The following PARP8 variants were observed in gnomAD, a reference collection of about 807,000 sequenced individuals.
PARP8 encodes protein mono-ADP-ribosyltransferase PARP8.
A neutral mutation model predicts 124.1 loss-of-function variants in PARP8; 51 were observed. The ratio of observed to expected loss-of-function variants is 0.41; its 90% CI spans 0.33 to 0.52. The LOEUF (loss-of-function observed/expected upper bound fraction) is 0.52. PARP8 is among the 20% of genes least tolerant of loss of function. The pLI, the probability that PARP8 is intolerant of heterozygous loss-of-function variation, is 0.21. For synonymous variants in PARP8, 391 were observed against 361.5 expected, an observed-to-expected ratio of 1.08 and a Z score of -0.93; for missense variants, 860 against 1,018.9, an observed-to-expected ratio of 0.84 and a Z score of 2.12.
chr5:50,757,263 A>G, intron 3 of PARP8: 1 of 415,662 alleles, frequency 2.4e-6, no homozygotes, highest in South Asian at 1.7e-5. Context: ...TCAAGACTGA[A>G]TCATAAAAAA....
At chr5:50,787,821 A>G (rs1459421748) in intron 9 of PARP8, among the ~76,000 whole-genome samples, 1 of 150,872 alleles carries the variant, frequency 6.6e-6, no homozygotes, top group Non-Finnish European at 1.5e-5. Flanking sequence ...ATTTAAACAT[A>G]TATTTTTATA....
rs748310180 is a variant in PARP8, at chr5:50,795,120, A to G, written c.1131A>G (p.Leu377=). The G allele has an allele frequency of 1.9e-6, 3 of 1,614,216 alleles. No individual in the cohort carries two copies. Among genetic ancestry groups the G allele is most frequent in the Admixed American group, 1.7e-5 (1 of 60,034 alleles). The change falls in exon 12 of 26, where the codon CTA becomes CTG. Residue 377 remains leucine (L), a synonymous_variant. Transcript: ENST00000281631. ...CAGCTGTTAAGTCAGAGGAATGCCT[A>G]ACTCTAAAGTCGCATAGACTATTGA... The part of the protein sequence containing the change: ...CPAAVKSEEC[L]TLKSHRLLTR...
intron 15 of PARP8, 135 bp from the exon 16 acceptor site, chr5:50,821,078 T>C: frequency 1.0e-6 from 1 of 972,828 alleles, no homozygotes; most frequent in African/African-American, 1.6e-5. Flanking sequence ...TCTCAAGTCT[T>C]GCATTACACA....
rs1239548341 is a variant in PARP8, at chr5:50,748,048, G to A, written c.147-2103G>A. Among the ~76,000 whole-genome samples, 3 of 151,966 alleles carry A rather than the reference G, an allele frequency of 2.0e-5. 1 individual carries two copies. The highest frequency in any genetic ancestry group is 4.8e-5 in the African/African-American group (2 of 41,398). ...TAACATTCAATGAAGTTATTGATAT[G>A]ATTAGATTCAGGCTCTATTTACTTT... is the stretch of plus-strand genomic sequence containing the variant. On this transcript the variant is annotated intron_variant, in intron 2 of 25. Transcript: ENST00000281631.
At chr5:50,836,218 G>C (rs1747567358) in intron 25 of PARP8, among the ~76,000 whole-genome samples, 1 of 152,148 alleles carries the variant, frequency 6.6e-6, no homozygotes, top group African/African-American at 2.4e-5. Flanking sequence ...GTGAGTATAG[G>C]AGAAGGAGCC....
Position 50,842,742 on chromosome 5 carries a change from A to G in PARP8, c.*674A>G, listed in dbSNP as rs1748303089. On this transcript the variant is annotated 3_prime_UTR_variant, in exon 26 of 26. Coordinates refer to ENST00000281631, the MANE Select transcript of PARP8 (RefSeq NM_024615.4). ...ACAATTCTATCCTCGTTTAATGGAA[A>G]GAAGATAATATTTAGTAAGCAATAA... 6.6e-6 allele frequency: 1 copy of G among 151,774 alleles called. No homozygotes were observed. Among genetic ancestry groups the G allele is most frequent in the East Asian group, 1.9e-4 (1 of 5,182 alleles). The allele number at this position is 151,774 out of a possible 1,614,324, so 9.4% of individuals were successfully genotyped here. A position where few individuals can be genotyped will look rare whatever the true frequency, so the allele number is the denominator to read the frequency against.
intron 7 of PARP8, among the ~76,000 whole-genome samples, chr5:50,772,003 C>G (rs1338777660): frequency 2.0e-5 from 3 of 152,182 alleles, no homozygotes; most frequent in Admixed American, 1.3e-4. Context: ...TCCTCCTCAT[C>G]ATCTTTCCCT....
intron 25 of PARP8, among the ~76,000 whole-genome samples, chr5:50,836,000 GA>G (rs1169469104): frequency 6.6e-6 from 1 of 152,104 alleles, no homozygotes; most frequent in Non-Finnish European, 1.5e-5. Context: ...AAAAGAAACT[GA>G]AAAATGGAAC....
chr5:50,834,828 T>C (rs745319771), intron 24 of PARP8, 103 bp from the exon 25 acceptor site: 2 of 946,168 alleles, frequency 2.1e-6, no homozygotes, highest in Non-Finnish European at 3.4e-6. Context: ...TTAGTGCTTG[T>C]ATTTTTGCTT....
At chr5:50,806,623 C>A (rs1472781715) in intron 14 of PARP8, among the ~76,000 whole-genome samples, 1 of 151,706 alleles carries the variant, frequency 6.6e-6, no homozygotes, top group Admixed American at 6.6e-5. Flanking sequence ...AGAAAACGTT[C>A]TTAAATAGTA....
intron 2 of PARP8, among the ~76,000 whole-genome samples, chr5:50,746,922 A>G (rs1325200653): frequency 6.6e-6 from 1 of 152,104 alleles, no homozygotes; most frequent in East Asian, 1.9e-4. Context: ...CAATCTACCC[A>G]GGAGGCTGCA....
rs1741555773 is a variant in PARP8, at chr5:50,788,436, A to T, written c.671-87A>T. 4.3e-6 allele frequency: 5 copies of T among 1,168,664 alleles called. No homozygotes were observed. The South Asian group carries it at 6.4e-5, about 15-fold the overall frequency. 72.4% of individuals were successfully genotyped at this position (1,168,664 alleles called of 1,614,324 possible). A position where few individuals can be genotyped will look rare whatever the true frequency, so the allele number is the denominator to read the frequency against. On this transcript the variant is annotated intron_variant, in intron 9 of 25. Transcript: ENST00000281631. ...TAAATGTGTATATGTATATGCACAT[A>T]TATAATGCGATTTCAACCTTTTTCT...
At chr5:50,748,211 G>GT (rs1554054259) in intron 2 of PARP8, among the ~76,000 whole-genome samples, 1 of 145,630 alleles carries the variant, frequency 6.9e-6, no homozygotes, top group African/African-American at 2.6e-5. Context: ...GTGTGTGTGT[G>GT]TACATGCTAT....
Position 50,833,987 on chromosome 5 carries a change from A to C in PARP8, c.2316A>C (p.Lys772Asn). The C allele has an allele frequency of 6.2e-7, 1 of 1,612,268 alleles. No individual in the cohort carries two copies. The change falls in exon 24 of 26, where the codon AAA becomes AAC. Residue 772 changes from lysine (K) to asparagine (N), a missense_variant. Lys to Asn is a moderately conservative substitution (Grantham distance 94). Transcript: ENST00000281631. The stretch of plus-strand genomic sequence containing the variant: ...TTGTTTTTGGAATTTAGTCACAGAA[A>C]AAAGGACAGCAATCCCAATTCCTGC... Reference protein sequence around the residue: ...SKSSNTSQSQKKGQQSQFLQS... With the variant: ...SKSSNTSQSQNKGQQSQFLQS...
At chr5:50,801,048 A>G (rs1480190922) in intron 14 of PARP8, among the ~76,000 whole-genome samples, 1 of 152,000 alleles carries the variant, frequency 6.6e-6, no homozygotes, top group African/African-American at 2.4e-5. Flanking sequence ...GTGAGCCATC[A>G]CACCTGGTGA....
chr5:50,721,299 G>A (rs541069412), intron 2 of PARP8, among the ~76,000 whole-genome samples: 7 of 152,112 alleles, frequency 4.6e-5, no homozygotes, highest in African/African-American at 1.7e-4. Flanking sequence ...ACACCAATGG[G>A]TGCAGGAGAC....
intron 23 of PARP8, among the ~76,000 whole-genome samples, chr5:50,833,597 T>C (rs1219410654): frequency 1.3e-5 from 2 of 152,002 alleles, no homozygotes. Flanking sequence ...AAAAAATGGG[T>C]TGGTTTTGGA....
chr5:50,791,155 T>A (rs1295566966), intron 10 of PARP8, among the ~76,000 whole-genome samples: 1 of 152,230 alleles, frequency 6.6e-6, no homozygotes, highest in Non-Finnish European at 1.5e-5. Flanking sequence ...AATAACTTTT[T>A]CACAGGAAAA....
chr5:50,747,472 C>A lies in PARP8; in HGVS notation c.147-2679C>A, dbSNP rs189204314. Among the ~76,000 whole-genome samples the A allele has an allele frequency of 7.6e-3, 1,147 of 151,496 alleles. 5 individuals are homozygous for A. The highest frequency in any genetic ancestry group is 0.011 in the Non-Finnish European group (746 of 67,912). ...TTTTTTTTTCTTTTTGGTCTGGTTC[C>A]ATTAATTACTCAAATTATGATTGTT... On this transcript the variant is annotated intron_variant, in intron 2 of 25. Coordinates refer to ENST00000281631, the MANE Select transcript of PARP8 (RefSeq NM_024615.4).
Sources: gnomAD v4.1 joint callset for allele counts (sites outside exome capture counted in the v4.1 genomes callset) on GRCh38, gnomAD v4.1.1 for gene constraint, MANE v1.5 for transcripts, NCBI Gene and HGNC (gene_info 2026-07-23, HGNC 2026-07-21) for gene names.